Variants in BBX observed in about 807,000 individuals in gnomAD.
The protein encoded by BBX is BBX high mobility group box domain containing.
Under a neutral mutation model 100.2 loss-of-function variants are expected in BBX, and 30 were observed. The ratio of observed to expected loss-of-function variants is 0.30; its 90% CI spans 0.22 to 0.41. The LOEUF is 0.41. Ranked by LOEUF, BBX falls within the 10% of genes least tolerant of loss-of-function variation. The probability of loss-of-function intolerance (pLI) is 1.00; values close to 1 mark genes in which losing one functional copy is unlikely to be tolerated. For synonymous variants in BBX, 376 were observed against 388.1 expected, an observed-to-expected ratio of 0.97 and a Z score of 0.37; for missense variants, 1,023 against 1,129.8, an observed-to-expected ratio of 0.91 and a Z score of 1.35.
At chr3:107,644,439 GT>G (rs1446081469) in intron 2 of BBX, among the ~76,000 whole-genome samples, 6 of 152,048 alleles carry the variant, frequency 3.9e-5, no homozygotes, top group Non-Finnish European at 8.8e-5. Context: ...TTACTCATCT[GT>G]TTCATAATAT....
At chr3:107,682,688 A>G (rs1354426381) in intron 3 of BBX, among the ~76,000 whole-genome samples, 1 of 152,158 alleles carries the variant, frequency 6.6e-6, no homozygotes, top group Non-Finnish European at 1.5e-5. Context: ...ATTCCCATGT[A>G]TGTAGTCAAG....
intron 2 of BBX, among the ~76,000 whole-genome samples, chr3:107,549,701 A>G (rs926076153): frequency 3.9e-5 from 6 of 152,154 alleles, no homozygotes; most frequent in Admixed American, 1.3e-4. Flanking sequence ...GGCTTTCTCC[A>G]TAGTTGGCAG....
chr3:107,770,387 T>C (rs1392222288), intron 10 of BBX, among the ~76,000 whole-genome samples: 2 of 152,212 alleles, frequency 1.3e-5, no homozygotes, highest in African/African-American at 4.8e-5. Flanking sequence ...AGAATGCCTT[T>C]CTAGCCTTTT....
In BBX at chr3:107,728,843, C is replaced by A. The variant is rs758730854; in HGVS notation, c.484C>A (p.Pro162Thr). 5.6e-6 allele frequency: 9 copies of A among 1,613,924 alleles called. No individual in the cohort carries two copies. The highest frequency in any genetic ancestry group is 1.1e-5 in the South Asian group (1 of 91,076). Reference protein sequence around the residue: ...TTNKPVKSPTPTVNPRKKLWA... With the variant: ...TTNKPVKSPTTTVNPRKKLWA... The stretch of plus-strand genomic sequence containing the variant: ...AAACAAGCCTGTGAAATCCCCAACA[C>A]CCACTGTCAATCCACGAAAGAAACT... Residue 162 changes from proline (P) to threonine (T), a missense_variant, in exon 6 of 18, where the codon CCC (proline) becomes ACC (threonine). Around this residue, in one of 9 missense-constraint regions of BBX, gnomAD observed 229 missense variants for 226.3 expected, o/e 1.01. Coordinates refer to ENST00000325805, the MANE Select transcript of BBX (RefSeq NM_001142568.3).
intron 3 of BBX, among the ~76,000 whole-genome samples, chr3:107,696,366 T>G (rs1167437300): frequency 1.3e-5 from 2 of 151,886 alleles, no homozygotes; most frequent in East Asian, 3.9e-4. Context: ...TAGTGCTTCC[T>G]TCAGGAGGTC....
In BBX at chr3:107,693,208, T is replaced by C. The variant is rs113510870; in HGVS notation, c.-9-17244T>C. On this transcript the variant is annotated intron_variant, in intron 3 of 17. Transcript: ENST00000325805. The stretch of plus-strand genomic sequence containing the variant: ...GCAGAAGCTCTTTAGTTTAATTAGA[T>C]CCCATTTGACAATTTTGGCTTTTGT... Among the ~76,000 whole-genome samples the C allele has an allele frequency of 4.3e-3, 647 of 151,642 alleles. 1 individual carries two copies. The highest frequency in any genetic ancestry group is 7.7e-3 in the Non-Finnish European group (524 of 67,940).
At chr3:107,752,290 A>G (rs2065135038) in intron 9 of BBX, among the ~76,000 whole-genome samples, 1 of 152,234 alleles carries the variant, frequency 6.6e-6, no homozygotes, top group Admixed American at 6.5e-5. Context: ...TCATGAGGGA[A>G]TGCTCAGTTT....
intron 2 of BBX, among the ~76,000 whole-genome samples, chr3:107,606,652 A>G (rs187174914): frequency 1.2e-3 from 175 of 151,914 alleles, no homozygotes; most frequent in African/African-American, 4.1e-3. Context: ...AAAAGTTTTT[A>G]TTTTGAATTT....
At chr3:107,554,730 AAGG>A (rs1156621691) in intron 2 of BBX, among the ~76,000 whole-genome samples, 2 of 151,896 alleles carry the variant, frequency 1.3e-5, no homozygotes, top group African/African-American at 4.8e-5. Context: ...CTCAAAAGAA[AAGG>A]AGAATTCTTA....
chr3:107,744,560 T>C lies in BBX; in HGVS notation c.670-70T>C, dbSNP rs1367417475. ...TGATAATAAAGATCGCAAATGAAGA[T>C]AGAGCATTAAATGTTTACCTAACAC... On this transcript the variant is annotated intron_variant, in intron 7 of 17. Transcript: ENST00000325805. 1.2e-5 allele frequency: 14 copies of C among 1,137,402 alleles called. No individual in the cohort carries two copies. In the East Asian group the frequency reaches 1.9e-4, roughly 15 times the overall value. 70.5% of individuals were successfully genotyped at this position (1,137,402 alleles called of 1,614,324 possible).
chr3:107,570,472 A>G (rs976773645), intron 2 of BBX, among the ~76,000 whole-genome samples: 1 of 152,184 alleles, frequency 6.6e-6, no homozygotes, highest in Admixed American at 6.5e-5. Context: ...TTGAGTTTTT[A>G]CATTTGATGA....
chr3:107,723,906 A>G (rs1437446661), intron 5 of BBX, among the ~76,000 whole-genome samples: 1 of 152,164 alleles, frequency 6.6e-6, no homozygotes, highest in African/African-American at 2.4e-5. Flanking sequence ...CACGATTTAT[A>G]TTCCTTTGGG....
intron 2 of BBX, among the ~76,000 whole-genome samples, chr3:107,540,779 G>A (rs1385455768): frequency 6.6e-6 from 1 of 152,108 alleles, no homozygotes; most frequent in East Asian, 1.9e-4. Context: ...CATCACTAAA[G>A]TTGGGATATG....
chr3:107,571,304 A>T (rs2051340871), intron 2 of BBX, among the ~76,000 whole-genome samples: 1 of 152,168 alleles, frequency 6.6e-6, no homozygotes, highest in African/African-American at 2.4e-5. Flanking sequence ...CAAGGCAGGC[A>T]TCCCCACGGT....
intron 2 of BBX, chr3:107,638,638 G>A (rs1457161951): frequency 1.3e-5 from 2 of 151,542 alleles, no homozygotes; most frequent in Non-Finnish European, 2.9e-5. Flanking sequence ...AGTAACATAT[G>A]ACCAGGCACA....
Position 107,773,701 on chromosome 3 carries a change from T to C in BBX, c.1915+65T>C. 2.8e-6 allele frequency: 4 copies of C among 1,432,624 alleles called. No individual in the cohort carries two copies. Among genetic ancestry groups the C allele is most frequent in the Non-Finnish European group, 3.7e-6 (4 of 1,066,858 alleles). 88.7% of individuals were successfully genotyped at this position (1,432,624 alleles called of 1,614,324 possible). ...AAACAGAATTTCACCTTTAGACCTA[T>C]TGAAAACAACTGCCATAAAAAACAA... is the stretch of plus-strand genomic sequence containing the variant. On this transcript the variant is annotated intron_variant, in intron 11 of 17. Transcript: ENST00000325805. The surrounding 1 kb of genome is among the most constrained non-coding windows in gnomAD (Gnocchi z 4.1).
intron 2 of BBX, among the ~76,000 whole-genome samples, chr3:107,608,992 C>T (rs1450106894): frequency 6.6e-6 from 1 of 152,094 alleles, no homozygotes; most frequent in African/African-American, 2.4e-5. Flanking sequence ...ATGATCATAT[C>T]ATCTGCAAAC....
chr3:107,762,997 G>T (rs2066019555), intron 10 of BBX, among the ~76,000 whole-genome samples: 1 of 152,034 alleles, frequency 6.6e-6, no homozygotes, highest in Non-Finnish European at 1.5e-5. Context: ...TTCAAATAGT[G>T]TATAACATTA....
At chr3:107,798,770 T>A (rs2070038290) in intron 16 of BBX, 50 bp downstream of exon 16, 1 of 1,514,140 alleles carries the variant, frequency 6.6e-7, no homozygotes, top group East Asian at 2.3e-5. Context: ...TTAGCTTCCC[T>A]GGGCCACACT....
Sources: gnomAD v4.1 joint callset for allele counts (sites outside exome capture counted in the v4.1 genomes callset) on GRCh38, gnomAD v4.1.1 for gene constraint, gnomAD v4.1.1 regional missense constraint, Gnocchi (gnomAD v3.1) non-coding constraint, MANE v1.5 for transcripts, NCBI Gene and HGNC (gene_info 2026-07-23, HGNC 2026-07-21) for gene names.